ACKR2: variants seen among roughly 807,000 people sequenced by gnomAD.
ACKR2 encodes C-C chemokine receptor D6.
For missense variants in ACKR2, 457 were observed against 477.3 expected (o/e 0.96, Z 0.40); for synonymous variants, 207 against 192.2 (o/e 1.08, Z -0.64).
intron 2 of ACKR2, among the ~76,000 whole-genome samples, chr3:42,822,455 G>A (rs1335621914): frequency 6.6e-6 from 1 of 152,082 alleles, no homozygotes. Context: ...CCTAGTACTT[G>A]TATTTTCTTG....
chr3:42,831,347 A>G (rs1345804525), intron 2 of ACKR2, among the ~76,000 whole-genome samples: 1 of 152,220 alleles, frequency 6.6e-6, no homozygotes, highest in African/African-American at 2.4e-5. Context: ...TTGTCACTTA[A>G]TGCCTGCCTG....
intron 2 of ACKR2, among the ~76,000 whole-genome samples, chr3:42,828,186 T>C (rs558312631): frequency 3.3e-4 from 50 of 151,364 alleles, no homozygotes; most frequent in Non-Finnish European, 5.5e-4. Flanking sequence ...CTCTGCTCAC[T>C]GCAATCTCTG....
chr3:42,825,389 G>A (rs1700851956), intron 2 of ACKR2, among the ~76,000 whole-genome samples: 1 of 152,022 alleles, frequency 6.6e-6, no homozygotes, highest in African/African-American at 2.4e-5. Flanking sequence ...TTTCCATGAT[G>A]TTTTACAGTT....
chr3:42,819,856 T>C (rs1700792334), intron 2 of ACKR2, 145 bp downstream of exon 2: 1 of 152,366 alleles, frequency 6.6e-6, no homozygotes, highest in South Asian at 2.1e-4. Context: ...CCCCCCTTTC[T>C]CCTCCTGCAC....
intron 2 of ACKR2, among the ~76,000 whole-genome samples, chr3:42,860,412 A>G (rs922308628): frequency 6.6e-6 from 1 of 152,160 alleles, no homozygotes; most frequent in African/African-American, 2.4e-5. Context: ...GGAGACTTTA[A>G]CACCCCACTG....
In ACKR2 at chr3:42,865,068, C is replaced by T. The variant is rs2088421728; in HGVS notation, c.566C>T (p.Pro189Leu). ...DMVFVQTHENPKGVWNCHADF... is the reference protein window; with the variant it reads ...DMVFVQTHENLKGVWNCHADF... The stretch of plus-strand genomic sequence containing the variant: ...GTCTTTGTACAGACACATGAAAATC[C>T]CAAGGGTGTGTGGAACTGCCACGCA... Residue 189 changes from proline to leucine, a missense_variant, in exon 3 of 3, where the codon CCC (proline) becomes CTC (leucine). Pro to Leu is a moderately conservative substitution (Grantham distance 98, BLOSUM62 -3). Transcript: ENST00000422265. 1.2e-6 allele frequency: 2 copies of T among 1,614,070 alleles called. No homozygotes were observed. Among genetic ancestry groups the T allele is most frequent in the East Asian group, 4.5e-5 (2 of 44,872 alleles).
Position 42,865,280 on chromosome 3 carries a change from T to G in ACKR2, c.778T>G (p.Phe260Val), listed in dbSNP as rs755009181. 5 of 1,614,096 alleles carry G rather than the reference T, an allele frequency of 3.1e-6. No homozygotes were observed. The highest frequency in any genetic ancestry group is 4.2e-6 in the Non-Finnish European group (5 of 1,180,036). ...AGCTGCAGCCTTGGTGGTGGCCTTCTTCGTGCTATGGTTCCCATACAATCT... is the reference window on the plus strand; with the variant it reads ...AGCTGCAGCCTTGGTGGTGGCCTTCGTCGTGCTATGGTTCCCATACAATCT... ...KIAAALVVAFFVLWFPYNLTL... is the reference protein window; with the variant it reads ...KIAAALVVAFVVLWFPYNLTL... The change falls in exon 3 of 3, where the codon TTC becomes GTC. Residue 260 changes from phenylalanine to valine, a missense_variant. Physicochemically the swap from Phe to Val is conservative, Grantham distance 50. Transcript: ENST00000422265.
At chr3:42,850,514 A>C (rs981180398) in intron 2 of ACKR2, among the ~76,000 whole-genome samples, 5 of 152,170 alleles carry the variant, frequency 3.3e-5, no homozygotes, top group African/African-American at 1.2e-4. Context: ...ATTATTGCTC[A>C]GTCCAGGTGG....
At position 42,864,877 on chromosome 3, in the gene ACKR2, T is replaced by C; in HGVS notation, c.375T>C (p.Thr125=). ...GCAAGATGGTGAGCACTCTTTATACTATTAACTTTTACAGTGGCATCTTTT... is the reference window on the plus strand; with the variant it reads ...GCAAGATGGTGAGCACTCTTTATACCATTAACTTTTACAGTGGCATCTTTT... ...FLCKMVSTLY[T]INFYSGIFFI... is the part of the protein sequence containing the mutation. The change falls in exon 3 of 3, where the codon ACT becomes ACC. Residue 125 remains threonine, a synonymous_variant. Transcript: ENST00000422265. 2.5e-6 allele frequency: 4 copies of C among 1,614,204 alleles called. No homozygotes were observed. The highest frequency in any genetic ancestry group is 2.5e-6 in the Non-Finnish European group (3 of 1,180,040).
intron 1 of ACKR2, among the ~76,000 whole-genome samples, chr3:42,812,680 C>CT (rs71616070): frequency 0.017 from 1,220 of 72,540 alleles, 200 homozygotes; most frequent in African/African-American, 0.063. Flanking sequence ...AATTTTCAGC[C>CT]TTTTTTTTTT....
chr3:42,835,525 C>A (rs1202326785), intron 2 of ACKR2: 1 of 152,136 alleles, frequency 6.6e-6, no homozygotes. Flanking sequence ...GTCTCACTCT[C>A]CTGAGTTTCG....
intron 2 of ACKR2, among the ~76,000 whole-genome samples, chr3:42,863,999 A>G (rs1488683102): frequency 9.2e-5 from 14 of 152,220 alleles, no homozygotes; most frequent in Admixed American, 9.2e-4. Context: ...CCCAGAACTT[A>G]AAGTATAATA....
At chr3:42,822,209 A>G (rs1448318255) in intron 2 of ACKR2, among the ~76,000 whole-genome samples, 3 of 152,014 alleles carry the variant, frequency 2.0e-5, no homozygotes, top group Non-Finnish European at 4.4e-5. Context: ...ATATGGAAAG[A>G]TATACTCCTC....
At chr3:42,823,841 C>G (rs1031550111) in intron 2 of ACKR2, among the ~76,000 whole-genome samples, 1 of 152,170 alleles carries the variant, frequency 6.6e-6, no homozygotes, top group African/African-American at 2.4e-5. Context: ...CTAGTTTGTT[C>G]TACACTAAGT....
intron 2 of ACKR2, among the ~76,000 whole-genome samples, chr3:42,840,119 G>A (rs1701021129): frequency 6.6e-6 from 1 of 152,060 alleles, no homozygotes; most frequent in Admixed American, 6.5e-5. Context: ...AATTAGCCGG[G>A]CGTGGTAGCT....
chr3:42,825,578 T>TGC (rs1700854050), intron 2 of ACKR2, among the ~76,000 whole-genome samples: 1 of 13,640 alleles, frequency 7.3e-5, no homozygotes, highest in East Asian at 5.8e-3. Flanking sequence ...TTAGCTCTGA[T>TGC]GTGTGTGTGT....
At chr3:42,829,518 C>G (rs1700907175) in intron 2 of ACKR2, among the ~76,000 whole-genome samples, 1 of 152,186 alleles carries the variant, frequency 6.6e-6, no homozygotes, top group African/African-American at 2.4e-5. Context: ...AGGCCATGAG[C>G]TCTTGGCTCT....
chr3:42,858,514 T>C (rs532679162), intron 2 of ACKR2, among the ~76,000 whole-genome samples: 2 of 152,228 alleles, frequency 1.3e-5, no homozygotes, highest in East Asian at 3.9e-4. Flanking sequence ...AAACCCCATC[T>C]GAAGGCCACC....
chr3:42,849,698 T>C (rs906761153), intron 2 of ACKR2, among the ~76,000 whole-genome samples: 10 of 152,164 alleles, frequency 6.6e-5, no homozygotes, highest in African/African-American at 2.2e-4. Flanking sequence ...CAGCTTGGCG[T>C]TTGCCTTATT....
Sources: allele counts gnomAD v4.1 joint callset (sites outside exome capture counted in the v4.1 genomes callset), GRCh38; gene constraint gnomAD v4.1.1; transcripts MANE v1.5; gene names NCBI Gene and HGNC (gene_info 2026-07-23, HGNC 2026-07-21).